The following IMMP2L variants were observed in gnomAD, a reference collection of about 807,000 sequenced individuals.
IMMP2L encodes inner mitochondrial membrane peptidase subunit 2.
In IMMP2L, 18 loss-of-function variants were observed where a neutral mutation model predicts 19.3. That is an observed-to-expected ratio of 0.93 (90% CI 0.64 to 1.38). The LOEUF (loss-of-function observed/expected upper bound fraction) is 1.38. Ranked by LOEUF, IMMP2L falls within the 40% of genes most tolerant of loss-of-function variation. IMMP2L has a pLI of 0.00. For missense variants in IMMP2L, 233 were observed against 218.2 expected, an observed-to-expected ratio of 1.07 and a Z score of -0.43; for synonymous variants, 76 against 73.0, an observed-to-expected ratio of 1.04 and a Z score of -0.21.
intron 1 of IMMP2L, among the ~76,000 whole-genome samples, chr7:111,544,709 G>C (rs181168412): frequency 1.2e-3 from 182 of 152,050 alleles, no homozygotes; most frequent in Non-Finnish European, 2.0e-3. Context: ...TAGTGTAACA[G>C]AGCAGCAAAA....
chr7:111,087,085 A>G (rs967391942), intron 3 of IMMP2L, among the ~76,000 whole-genome samples: 5 of 152,182 alleles, frequency 3.3e-5, no homozygotes. Context: ...ATTATTTAAT[A>G]GTTTTGGGAC....
chr7:111,359,616 AAC>A (rs1281619506), intron 3 of IMMP2L, among the ~76,000 whole-genome samples: 1 of 151,956 alleles, frequency 6.6e-6, no homozygotes, highest in Non-Finnish European at 1.5e-5. Context: ...CAGGTTCATA[AAC>A]ACCACAGAAA....
Position 111,457,126 on chromosome 7 carries a change from GGAAAT to G in IMMP2L, c.239+30107_239+30111del, listed in dbSNP as rs1267549242. The stretch of plus-strand genomic sequence containing the variant: ...AAGATAAGGTGCAGCAGAGATTATT[GGAAAT>G]ACACATATTGACAGTCAGATAGCTC... On this transcript the variant is annotated intron_variant, in intron 3 of 5. Transcript: ENST00000405709. Among the ~76,000 whole-genome samples the G allele has an allele frequency of 5.1e-5, 3 of 58,780 alleles. No individual in the cohort carries two copies. In the Admixed American group the frequency reaches 5.7e-4, roughly 11 times the overall value. The allele number at this position is 58,780 out of a possible 152,430, so 38.6% of individuals were successfully genotyped here. A position where few individuals can be genotyped will look rare whatever the true frequency, so the allele number is the denominator to read the frequency against.
chr7:110,864,071 TTA>T (rs1807732238), intron 5 of IMMP2L, among the ~76,000 whole-genome samples: 1 of 152,238 alleles, frequency 6.6e-6, no homozygotes, highest in Admixed American at 6.5e-5. Context: ...GTAGGATTTG[TTA>T]TGTTAGTTAA....
chr7:110,713,360 T>C (rs1416357390), intron 5 of IMMP2L, among the ~76,000 whole-genome samples: 1 of 152,210 alleles, frequency 6.6e-6, no homozygotes, highest in Non-Finnish European at 1.5e-5. Flanking sequence ...TCTGACTTTG[T>C]TCTTACAGCT....
At chr7:111,278,842 T>C (rs1658512785) in intron 3 of IMMP2L, among the ~76,000 whole-genome samples, 1 of 152,180 alleles carries the variant, frequency 6.6e-6, no homozygotes, top group East Asian at 1.9e-4. Context: ...ACCCAGAAAT[T>C]AGATTTAAAA....
At chr7:111,149,700 A>C (rs1803866513) in intron 3 of IMMP2L, among the ~76,000 whole-genome samples, 1 of 152,204 alleles carries the variant, frequency 6.6e-6, no homozygotes, top group African/African-American at 2.4e-5. Flanking sequence ...CCCACAGTTC[A>C]AATCCACACT....
intron 5 of IMMP2L, among the ~76,000 whole-genome samples, chr7:110,800,746 G>T (rs1801181469): frequency 6.6e-6 from 1 of 152,028 alleles, no homozygotes; most frequent in African/African-American, 2.4e-5. Context: ...AACAGTGACA[G>T]GTTAGCATCA....
intron 3 of IMMP2L, among the ~76,000 whole-genome samples, chr7:111,379,023 A>G (rs1830951557): frequency 6.6e-6 from 1 of 151,826 alleles, no homozygotes; most frequent in Non-Finnish European, 1.5e-5. Context: ...TGCATATTTA[A>G]TTATAATATT....
rs11762006 is a variant in IMMP2L at position 110,760,807 on chromosome 7, T to G, written c.409-97086A>C. ...CTAAACACCTATTTCTTACTACAAGTGTAGAACGCCAGATAGGATCATCAC... is the reference window on the plus strand; with the variant it reads ...CTAAACACCTATTTCTTACTACAAGGGTAGAACGCCAGATAGGATCATCAC... On this transcript the variant is annotated intron_variant, in intron 5 of 5. Transcript: ENST00000405709. This position sits in a 1 kb window ranked among gnomAD's most constrained non-coding sequence, Gnocchi z 4.2. Among the ~76,000 whole-genome samples the G allele has an allele frequency of 6.6e-6, 1 of 151,892 alleles. No individual in the cohort carries two copies. The highest frequency in any genetic ancestry group is 1.5e-5 in the Non-Finnish European group (1 of 67,956).
intron 3 of IMMP2L, among the ~76,000 whole-genome samples, chr7:111,283,970 C>CAAAAAAAAAAAAA (rs972346409): frequency 2.1e-5 from 1 of 48,616 alleles, no homozygotes. Flanking sequence ...GACTCCGTCT[C>CAAAAAAAAAAAAA]AAAAAAAAAA....
In IMMP2L at chr7:110,674,079, T is replaced by A. The variant is rs576198463; in HGVS notation, c.409-10358A>T. On this transcript the variant is annotated intron_variant, in intron 5 of 5. Transcript: ENST00000405709. ...TACTTGAGACTGTATTTACAAAGGA[T>A]AGAGGTTTAATTGACTCACAGTTCA... 3.9e-5 allele frequency among the ~76,000 whole-genome samples: 6 copies of A among 152,300 alleles called. No homozygotes were observed. In the South Asian group the frequency reaches 8.3e-4, roughly 21 times the overall value.
At chr7:110,852,874 C>T (rs894555719) in intron 5 of IMMP2L, among the ~76,000 whole-genome samples, 8 of 151,946 alleles carry the variant, frequency 5.3e-5, no homozygotes, top group African/African-American at 1.9e-4. Flanking sequence ...TGAGTGAAAA[C>T]GTCTTTTCAT....
At chr7:110,932,155 TACTGTTG>T (rs1454533243) in intron 4 of IMMP2L, among the ~76,000 whole-genome samples, 3 of 152,140 alleles carry the variant, frequency 2.0e-5, no homozygotes, top group Non-Finnish European at 4.4e-5. Flanking sequence ...ATCCCTACAC[TACTGTTG>T]CATACAGACT....
At chr7:110,697,551 C>G (rs573157989) in intron 5 of IMMP2L, among the ~76,000 whole-genome samples, 1 of 152,252 alleles carries the variant, frequency 6.6e-6, no homozygotes, top group Admixed American at 6.5e-5. Context: ...CGCCTGTTAT[C>G]CCAGCACTTT....
At chr7:111,163,854 A>T (rs571597054) in intron 3 of IMMP2L, among the ~76,000 whole-genome samples, 1 of 152,014 alleles carries the variant, frequency 6.6e-6, no homozygotes, top group African/African-American at 2.4e-5. Context: ...GCTTTGCTAT[A>T]TCTCAGGGGA....
At chr7:110,860,015 C>G (rs764322986) in intron 5 of IMMP2L, among the ~76,000 whole-genome samples, 1 of 151,902 alleles carries the variant, frequency 6.6e-6, no homozygotes, top group Non-Finnish European at 1.5e-5. Flanking sequence ...ATTCATGAAC[C>G]AACCTGTCAC....
chr7:110,867,497 T>A (rs1037056982), intron 5 of IMMP2L, among the ~76,000 whole-genome samples: 1 of 152,082 alleles, frequency 6.6e-6, no homozygotes, highest in Non-Finnish European at 1.5e-5. Flanking sequence ...AAGAAAGTTT[T>A]TAAAATTAAA....
At chr7:111,521,521 C>T in intron 1 of IMMP2L, 72 bp from the exon 2 acceptor site, 1 of 1,400,836 alleles carries the variant, frequency 7.1e-7, no homozygotes, top group Non-Finnish European at 9.7e-7. Flanking sequence ...AAAAACAGTA[C>T]ATGAAAAGTA....
Sources: allele counts gnomAD v4.1 joint callset (sites outside exome capture counted in the v4.1 genomes callset), GRCh38; gene constraint gnomAD v4.1.1; non-coding constraint Gnocchi (gnomAD v3.1); transcripts MANE v1.5; gene names NCBI Gene and HGNC (gene_info 2026-07-23, HGNC 2026-07-21).